ADAM10: variants seen among roughly 807,000 people sequenced by gnomAD.
The protein encoded by ADAM10 is disintegrin and metalloproteinase domain-containing protein 10.
In ADAM10, 17 loss-of-function variants were observed where a neutral mutation model predicts 90.1. The ratio of observed to expected loss-of-function variants is 0.19; its 90% CI spans 0.13 to 0.28. The LOEUF (loss-of-function observed/expected upper bound fraction) is 0.28. ADAM10 is among the 10% of genes least tolerant of loss of function. ADAM10 has a pLI of 1.00. For synonymous variants in ADAM10, 310 were observed against 298.6 expected (o/e 1.04, Z -0.40); for missense variants, 610 against 914.3 (o/e 0.67, Z 4.29).
At chr15:58,713,738 T>C (rs1198939907) in intron 2 of ADAM10, among the ~76,000 whole-genome samples, 1 of 152,324 alleles carries the variant, frequency 6.6e-6, no homozygotes, top group African/African-American at 2.4e-5. Context: ...ACTATGGCAC[T>C]GACTCAAATG....
At chr15:58,673,205 C>T (rs1469053387) in intron 4 of ADAM10, among the ~76,000 whole-genome samples, 2 of 152,018 alleles carry the variant, frequency 1.3e-5, no homozygotes, top group African/African-American at 2.4e-5. Context: ...TTTCAATAAC[C>T]ACTAACTTTG....
rs1898863183 is a variant in ADAM10 at position 58,721,800 on chromosome 15, G to A, written c.56-4073C>T. Among the ~76,000 whole-genome samples, 5 of 152,080 alleles carry A rather than the reference G, an allele frequency of 3.3e-5. No individual in the cohort carries two copies. The South Asian group carries it at 1.0e-3, about 31-fold the overall frequency. ...CCCAGCACTTTGGGAGGCTGAGGGG[G>A]GTGAATCGCTTGAGGTCAGGAGTTC... On this transcript the variant is annotated intron_variant, in intron 1 of 15. Transcript: ENST00000260408.
chr15:58,670,514 T>C (rs778548091), intron 4 of ADAM10, among the ~76,000 whole-genome samples: 3 of 152,106 alleles, frequency 2.0e-5, no homozygotes, highest in African/African-American at 7.2e-5. Context: ...GGCAGGCTGG[T>C]AAATAATACA....
chr15:58,609,011 A>AC (rs1183526316), intron 14 of ADAM10: 3 of 148,738 alleles, frequency 2.0e-5, no homozygotes, highest in Non-Finnish European at 4.4e-5. Flanking sequence ...AGACAATCAG[A>AC]AAAAAAAATA....
intron 1 of ADAM10, among the ~76,000 whole-genome samples, chr15:58,739,693 C>T (rs1299087322): frequency 3.9e-5 from 6 of 152,186 alleles, no homozygotes; most frequent in Admixed American, 1.3e-4. Context: ...GAATACCTAA[C>T]CTTTATAATA....
intron 10 of ADAM10, among the ~76,000 whole-genome samples, chr15:58,627,293 T>A (rs1895975679): frequency 6.6e-6 from 1 of 152,084 alleles, no homozygotes; most frequent in South Asian, 2.1e-4. Context: ...GGAAGGGTGA[T>A]AAAAGAAAGT....
intron 10 of ADAM10, among the ~76,000 whole-genome samples, chr15:58,623,159 T>C (rs556988712): frequency 6.6e-6 from 1 of 152,366 alleles, no homozygotes; most frequent in African/African-American, 2.4e-5. Flanking sequence ...ACTGGCTTTA[T>C]ATTCAGATAA....
chr15:58,726,192 A>G (rs1286327028), intron 1 of ADAM10, among the ~76,000 whole-genome samples: 1 of 152,222 alleles, frequency 6.6e-6, no homozygotes, highest in African/African-American at 2.4e-5. Flanking sequence ...AAGTGAAGTA[A>G]TATTATTTGA....
chr15:58,722,476 C>T (rs1898886879), intron 1 of ADAM10, among the ~76,000 whole-genome samples: 1 of 150,236 alleles, frequency 6.7e-6, no homozygotes, highest in Admixed American at 6.7e-5. Context: ...TTCAAGGCCA[C>T]AGTGAGCTAT....
chr15:58,748,927 C>G, intron 1 of ADAM10: 1 of 398,674 alleles, frequency 2.5e-6, no homozygotes, highest in Non-Finnish European at 4.4e-6. Context: ...ACCGGCGCGC[C>G]GGGTAAAGAA....
At chr15:58,602,262 T>C (rs1363927556) in intron 14 of ADAM10, among the ~76,000 whole-genome samples, 1 of 152,220 alleles carries the variant, frequency 6.6e-6, no homozygotes, top group African/African-American at 2.4e-5. Flanking sequence ...TATCCTGTTC[T>C]TTCCCTACCC....
intron 6 of ADAM10, among the ~76,000 whole-genome samples, chr15:58,645,852 T>C (rs1281351048): frequency 6.9e-6 from 1 of 145,810 alleles, no homozygotes; most frequent in Non-Finnish European, 1.5e-5. Context: ...GAAATCATTG[T>C]CTTACCCCTC....
At chr15:58,685,030 A>G (rs1413816281) in intron 2 of ADAM10, among the ~76,000 whole-genome samples, 3 of 152,170 alleles carry the variant, frequency 2.0e-5, no homozygotes, top group Admixed American at 6.5e-5. Flanking sequence ...TAACAACAGA[A>G]CTAGTTAATT....
intron 2 of ADAM10, among the ~76,000 whole-genome samples, chr15:58,711,087 C>A (rs1311270918): frequency 1.3e-5 from 2 of 152,124 alleles, no homozygotes; most frequent in African/African-American, 2.4e-5. Context: ...AATGTCTAAT[C>A]ATTTGTTTTA....
intron 1 of ADAM10, chr15:58,747,810 A>T (rs1385909607): frequency 6.6e-6 from 1 of 152,186 alleles, no homozygotes; most frequent in African/African-American, 2.4e-5. Flanking sequence ...TTTTTCTTCA[A>T]ATATAAGACT....
intron 1 of ADAM10, chr15:58,747,798 GT>G (rs1296572331): frequency 1.3e-5 from 2 of 151,970 alleles, no homozygotes; most frequent in Non-Finnish European, 2.9e-5. Flanking sequence ...TTATTCAATT[GT>G]TTTTTCTTCA....
chr15:58,726,433 C>T (rs1368334318), intron 1 of ADAM10, among the ~76,000 whole-genome samples: 1 of 151,402 alleles, frequency 6.6e-6, no homozygotes, highest in Admixed American at 6.6e-5. Flanking sequence ...GGCATGGTGG[C>T]AGGTGCATGT....
chr15:58,729,432 T>C (rs1047435113), intron 1 of ADAM10, among the ~76,000 whole-genome samples: 6 of 152,174 alleles, frequency 3.9e-5, no homozygotes, highest in Non-Finnish European at 8.8e-5. Context: ...GGGAAAGTGT[T>C]AGCAATGCAG....
chr15:58,610,112 C>T (rs1895397045), intron 14 of ADAM10, 185 bp downstream of exon 14: 1 of 652,752 alleles, frequency 1.5e-6, no homozygotes, highest in Admixed American at 2.4e-5. Flanking sequence ...ATGAATGATA[C>T]ACATGATTCT....
Sources: allele counts gnomAD v4.1 joint callset (sites outside exome capture counted in the v4.1 genomes callset), GRCh38; gene constraint gnomAD v4.1.1; transcripts MANE v1.5; gene names NCBI Gene and HGNC (gene_info 2026-07-23, HGNC 2026-07-21).